Variants in BRINP3 observed in about 807,000 individuals in gnomAD.
The protein encoded by BRINP3 is BMP/retinoic acid-inducible neural-specific protein 3.
Under a neutral mutation model 71.0 loss-of-function variants are expected in BRINP3, and 19 were observed. The ratio of observed to expected loss-of-function variants is 0.27; its 90% confidence interval spans 0.19 to 0.39. BRINP3 has a LOEUF of 0.39. BRINP3 is among the 10% of genes least tolerant of loss of function. The probability of loss-of-function intolerance (pLI) is 1.00; values close to 1 mark genes in which losing one functional copy is unlikely to be tolerated. For missense variants in BRINP3, 959 were observed against 940.8 expected (o/e 1.02, Z -0.25); for synonymous variants, 380 against 337.7 (o/e 1.13, Z -1.37).
At chr1:190,129,519 A>G (rs1356785934) in intron 7 of BRINP3, among the ~76,000 whole-genome samples, 1 of 151,952 alleles carries the variant, frequency 6.6e-6, no homozygotes, top group Non-Finnish European at 1.5e-5. Flanking sequence ...ATACCATTAG[A>G]AAAGAACAGG....
intron 1 of BRINP3, among the ~76,000 whole-genome samples, chr1:190,470,400 C>T (rs1162903012): frequency 4.6e-5 from 7 of 150,888 alleles, no homozygotes; most frequent in Non-Finnish European, 1.0e-4. Flanking sequence ...TAAATGTGTA[C>T]TTTATAGATT....
At chr1:190,307,278 T>G (rs986579230) in intron 2 of BRINP3, among the ~76,000 whole-genome samples, 3 of 130,604 alleles carry the variant, frequency 2.3e-5, no homozygotes, top group African/African-American at 8.5e-5. Flanking sequence ...TTTTTTTTTT[T>G]TTTTTTTTGA....
intron 1 of BRINP3, among the ~76,000 whole-genome samples, chr1:190,469,490 C>T (rs1475959695): frequency 6.6e-6 from 1 of 150,880 alleles, no homozygotes; most frequent in East Asian, 1.9e-4. Context: ...TGCAACTTTG[C>T]TGCATAATTT....
At chr1:190,436,134 CT>C in intron 2 of BRINP3, among the ~76,000 whole-genome samples, 1 of 151,702 alleles carries the variant, frequency 6.6e-6, no homozygotes, top group East Asian at 1.9e-4. Context: ...AATTTTTGCC[CT>C]GCTTATTTCA....
At chr1:190,435,402 G>T (rs539871607) in intron 2 of BRINP3, among the ~76,000 whole-genome samples, 4 of 151,740 alleles carry the variant, frequency 2.6e-5, no homozygotes, top group Admixed American at 6.6e-5. Context: ...AGGATTTCCA[G>T]AACTCATTTT....
chr1:190,455,607 A>AT (rs201196540), intron 1 of BRINP3, among the ~76,000 whole-genome samples: 2,820 of 151,904 alleles, frequency 0.019, 92 homozygotes, highest in African/African-American at 0.064. Flanking sequence ...CTTTTCCCAG[A>AT]TTTTTTTTCA....
intron 2 of BRINP3, among the ~76,000 whole-genome samples, chr1:190,434,225 C>T (rs187356722): frequency 9.0e-4 from 137 of 151,980 alleles, no homozygotes; most frequent in African/African-American, 2.8e-3. Flanking sequence ...TTCTGCCTCA[C>T]CAGCCTCCGG....
chr1:190,474,205 A>G (rs1677347184), intron 1 of BRINP3, among the ~76,000 whole-genome samples: 1 of 152,198 alleles, frequency 6.6e-6, no homozygotes, highest in Non-Finnish European at 1.5e-5. Context: ...CATTTAAATA[A>G]ATGCACACTA....
In BRINP3 at chr1:190,268,421, A is replaced by C. The variant is rs1661833598; in HGVS notation, c.428-3366T>G. Among the ~76,000 whole-genome samples the C allele has an allele frequency of 1.3e-5, 2 of 152,078 alleles. 1 individual carries two copies. Among genetic ancestry groups the C allele is most frequent in the South Asian group, 4.1e-4 (2 of 4,820 alleles). On this transcript the variant is annotated intron_variant, in intron 3 of 7. Transcript: ENST00000367462. ...GTAAATACTTCTTTAAAGAAGTGAAATATAGGATCCTAAGCATAAAAGCCA... is the reference window on the plus strand; with the variant it reads ...GTAAATACTTCTTTAAAGAAGTGAACTATAGGATCCTAAGCATAAAAGCCA...
chr1:190,377,868 AT>A (rs1236405657), intron 2 of BRINP3, among the ~76,000 whole-genome samples: 1 of 152,126 alleles, frequency 6.6e-6, no homozygotes, highest in African/African-American at 2.4e-5. Flanking sequence ...AAGAAATTAA[AT>A]TTTTTAAATT....
At chr1:190,225,994 T>G in intron 6 of BRINP3, 88 bp downstream of exon 6, 1 of 864,680 alleles carries the variant, frequency 1.2e-6, no homozygotes, top group South Asian at 1.8e-5. Context: ...TCCAACTATG[T>G]AATAGTTTCT....
At chr1:190,195,635 A>T (rs946640938) in intron 6 of BRINP3, among the ~76,000 whole-genome samples, 2 of 152,064 alleles carry the variant, frequency 1.3e-5, no homozygotes, top group African/African-American at 2.4e-5. Context: ...AGGTACATAC[A>T]TACCTATGCC....
chr1:190,440,448 T>A (rs1183695092), intron 2 of BRINP3, among the ~76,000 whole-genome samples: 2 of 151,972 alleles, frequency 1.3e-5, no homozygotes, highest in Non-Finnish European at 2.9e-5. Context: ...TAGAAACTTT[T>A]AATTTCTATA....
intron 2 of BRINP3, among the ~76,000 whole-genome samples, chr1:190,348,455 A>T (rs1361625598): frequency 6.6e-6 from 1 of 152,168 alleles, no homozygotes; most frequent in East Asian, 1.9e-4. Flanking sequence ...CAGATCCTTT[A>T]CACGAAATAA....
intron 2 of BRINP3, among the ~76,000 whole-genome samples, chr1:190,423,624 T>A (rs1673519401): frequency 6.6e-6 from 1 of 151,792 alleles, no homozygotes; most frequent in African/African-American, 2.4e-5. Flanking sequence ...CAATATAGCA[T>A]AATCAAGACA....
At chr1:190,400,280 C>G (rs542056858) in intron 2 of BRINP3, among the ~76,000 whole-genome samples, 4 of 152,092 alleles carry the variant, frequency 2.6e-5, no homozygotes, top group African/African-American at 7.2e-5. Context: ...GAATTGTAAG[C>G]TATAACTTAT....
At chr1:190,113,083 A>G (rs1033569849) in intron 7 of BRINP3, among the ~76,000 whole-genome samples, 1 of 152,166 alleles carries the variant, frequency 6.6e-6, no homozygotes, top group Non-Finnish European at 1.5e-5. Flanking sequence ...GTATATGCAT[A>G]TCGAATTATA....
At chr1:190,414,838 A>G (rs74130743) in intron 2 of BRINP3, among the ~76,000 whole-genome samples, 3,989 of 152,268 alleles carry the variant, frequency 0.026, 186 homozygotes, top group African/African-American at 0.089. Flanking sequence ...TCTGAGAAGC[A>G]TTCAAATCAA....
At chr1:190,320,095 A>G (rs1475868739) in intron 2 of BRINP3, among the ~76,000 whole-genome samples, 1 of 151,950 alleles carries the variant, frequency 6.6e-6, no homozygotes, top group East Asian at 1.9e-4. Context: ...AAGCAATACA[A>G]TGTATAATAA....
Sources: allele counts gnomAD v4.1 joint callset (sites outside exome capture counted in the v4.1 genomes callset), GRCh38; gene constraint gnomAD v4.1.1; transcripts MANE v1.5; gene names NCBI Gene and HGNC (gene_info 2026-07-23, HGNC 2026-07-21).